Variants in MRTFB observed in about 807,000 individuals in gnomAD.
MRTFB encodes myocardin-related transcription factor B.
MRTFB carries 29 observed loss-of-function variants against 104.2 expected under a neutral mutation model. The ratio of observed to expected loss-of-function variants is 0.28; its 90% CI spans 0.21 to 0.38. MRTFB has a LOEUF of 0.38. Ranked by LOEUF, MRTFB falls within the 10% of genes least tolerant of loss-of-function variation. The pLI is 1.00. For missense variants in MRTFB, 1,270 were observed against 1,341.6 expected (o/e 0.95, Z 0.83); for synonymous variants, 535 against 519.5 (o/e 1.03, Z -0.41).
intron 3 of MRTFB, among the ~76,000 whole-genome samples, chr16:14,149,101 T>C (rs2038480086): frequency 6.6e-6 from 1 of 152,220 alleles, no homozygotes; most frequent in Admixed American, 6.5e-5. Context: ...TGATTTAGAA[T>C]ATGTAGTTTC....
intron 2 of MRTFB, among the ~76,000 whole-genome samples, chr16:14,098,291 G>A (rs1472228280): frequency 1.3e-5 from 2 of 152,176 alleles, no homozygotes; most frequent in Admixed American, 6.5e-5. Flanking sequence ...ATGTGTAGAA[G>A]TAGCTCATCG....
chr16:14,184,552 GGAAAA>G (rs2039880193), intron 3 of MRTFB, among the ~76,000 whole-genome samples: 1 of 97,956 alleles, frequency 1.0e-5, no homozygotes, highest in Non-Finnish European at 2.3e-5. Context: ...GTGTAGATCA[GGAAAA>G]TAATGTTGAA....
At chr16:14,251,760 T>A in intron 13 of MRTFB, 102 bp from the exon 14 acceptor site, 2 of 1,261,790 alleles carry the variant, frequency 1.6e-6, no homozygotes, top group African/African-American at 1.5e-5. Flanking sequence ...TGCAGCCCTT[T>A]ACAGAAAAAG....
intron 3 of MRTFB, among the ~76,000 whole-genome samples, chr16:14,171,791 G>A (rs1036249339): frequency 6.6e-6 from 1 of 152,112 alleles, no homozygotes; most frequent in Non-Finnish European, 1.5e-5. Context: ...TTAAACATGT[G>A]AACTTTATGG....
In MRTFB at chr16:14,245,686, C is replaced by G. The variant is rs370139828; in HGVS notation, c.1212+26C>G. On this transcript the variant is annotated intron_variant, in intron 11 of 16. Coordinates refer to ENST00000571589, the MANE Select transcript of MRTFB (RefSeq NM_001308142.2). ...GTGACAATTGCAACTGGAGCTTATT[C>G]ACCCCTAAGTACCACAAACATGTAA... is the stretch of plus-strand genomic sequence containing the variant. The G allele has an allele frequency of 5.6e-5, 90 of 1,603,376 alleles. 1 individual carries two copies. In the East Asian group the frequency reaches 1.3e-3, roughly 24 times the overall value.
chr16:14,255,375 G>A (rs2043434567), intron 15 of MRTFB, among the ~76,000 whole-genome samples: 1 of 152,144 alleles, frequency 6.6e-6, no homozygotes, highest in African/African-American at 2.4e-5. Context: ...AATGCATCAA[G>A]AGAAAAAACA....
chr16:14,243,139 ACT>A (rs776813312), intron 10 of MRTFB, among the ~76,000 whole-genome samples: 7 of 152,208 alleles, frequency 4.6e-5, no homozygotes, highest in East Asian at 3.8e-4. Context: ...TGTTTTCATA[ACT>A]CTGAGATTTT....
Position 14,248,941 on chromosome 16 carries a change from G to A in MRTFB, c.2263G>A (p.Gly755Arg), listed in dbSNP as rs1463714217. 6.2e-7 allele frequency: 1 copy of A among 1,613,702 alleles called. No individual in the cohort carries two copies. The highest frequency in any genetic ancestry group is 8.5e-7 in the Non-Finnish European group (1 of 1,179,894). Residue 755 changes from glycine to arginine, a missense_variant, in exon 13 of 17, where the codon GGA (glycine) becomes AGA (arginine). Transcript: ENST00000571589. ...CACCTCCTAGACTTCACCACAAGCAGGAATGCAGACTCAGCCTCAGATAGC... is the reference window on the plus strand; with the variant it reads ...CACCTCCTAGACTTCACCACAAGCAAGAATGCAGACTCAGCCTCAGATAGC... ...SLKLQTSPQA[G>R]MQTQPQIATA...
At chr16:14,134,812 C>T (rs904070881) in intron 2 of MRTFB, among the ~76,000 whole-genome samples, 4 of 149,226 alleles carry the variant, frequency 2.7e-5, no homozygotes, top group African/African-American at 4.8e-5. Flanking sequence ...GGAATGTGAG[C>T]TCTGAAGTTG....
intron 3 of MRTFB, among the ~76,000 whole-genome samples, chr16:14,150,517 A>C (rs1597084254): frequency 1.3e-5 from 2 of 152,164 alleles, no homozygotes; most frequent in Non-Finnish European, 2.9e-5. Context: ...GTATTCTTAC[A>C]ATAAAGTAAG....
At chr16:14,171,737 T>C (rs915728514) in intron 3 of MRTFB, among the ~76,000 whole-genome samples, 1 of 152,254 alleles carries the variant, frequency 6.6e-6, no homozygotes, top group Non-Finnish European at 1.5e-5. Context: ...AAAGTAGTTT[T>C]AGAATTGCTA....
At chr16:14,085,989 T>C (rs2034682374) in intron 2 of MRTFB, among the ~76,000 whole-genome samples, 1 of 152,232 alleles carries the variant, frequency 6.6e-6, no homozygotes, top group African/African-American at 2.4e-5. Context: ...TAAATAATCA[T>C]ATTTATGTTT....
chr16:14,165,689 C>T (rs1413973314), intron 3 of MRTFB, among the ~76,000 whole-genome samples: 1 of 152,202 alleles, frequency 6.6e-6, no homozygotes, highest in Non-Finnish European at 1.5e-5. Flanking sequence ...TCATGTGACA[C>T]CATCTTCCAA....
At chr16:14,114,725 A>G (rs2036447347) in intron 2 of MRTFB, among the ~76,000 whole-genome samples, 1 of 152,164 alleles carries the variant, frequency 6.6e-6, no homozygotes, top group Non-Finnish European at 1.5e-5. Context: ...TTGCATTTTC[A>G]GGGACGTCTT....
At chr16:14,221,789 T>A (rs2041727063) in intron 8 of MRTFB, among the ~76,000 whole-genome samples, 2 of 146,054 alleles carry the variant, frequency 1.4e-5, no homozygotes, top group African/African-American at 5.0e-5. Flanking sequence ...TTTTTTTTTT[T>A]TTTTTTTTTT....
At chr16:14,005,479 TCAC>T in the MRTFB span, among the ~76,000 whole-genome samples, 1 of 152,130 alleles carries the variant, frequency 6.6e-6, no homozygotes, top group Non-Finnish European at 1.5e-5. Context: ...CATTCCATCA[TCAC>T]TAGTTTCAAG....
the MRTFB span, among the ~76,000 whole-genome samples, chr16:14,029,032 C>T: frequency 6.6e-6 from 1 of 151,854 alleles, no homozygotes; most frequent in South Asian, 2.1e-4. Context: ...TAAACGGTAA[C>T]CAGAGGACAG....
At chr16:14,031,638 T>A in the MRTFB span, among the ~76,000 whole-genome samples, 3 of 152,226 alleles carry the variant, frequency 2.0e-5, no homozygotes, top group East Asian at 3.9e-4. Context: ...CAGCTCCTGG[T>A]CAGAGCCACT....
the MRTFB span, among the ~76,000 whole-genome samples, chr16:14,044,357 G>A: frequency 7.2e-5 from 11 of 152,286 alleles, no homozygotes; most frequent in East Asian, 5.8e-4. Flanking sequence ...AGAGCCTTAC[G>A]GTCCCATGTC....
Sources: allele counts gnomAD v4.1 joint callset (sites outside exome capture counted in the v4.1 genomes callset), GRCh38; gene constraint gnomAD v4.1.1; transcripts MANE v1.5; gene names NCBI Gene and HGNC (gene_info 2026-07-23, HGNC 2026-07-21).